The following FAM107B variants were observed in gnomAD, a reference collection of about 807,000 sequenced individuals.
FAM107B encodes the protein family with sequence similarity 107 member B.
FAM107B carries 21 observed loss-of-function variants against 31.5 expected under a neutral mutation model. The ratio of observed to expected loss-of-function variants is 0.67; its 90% CI spans 0.47 to 0.96. The LOEUF (loss-of-function observed/expected upper bound fraction) is 0.96. FAM107B is among the 40% of genes least tolerant of loss of function. FAM107B has a pLI of 0.00. For synonymous variants in FAM107B, 157 were observed against 141.5 expected, an observed-to-expected ratio of 1.11 and a Z score of -0.78; for missense variants, 452 against 377.1, an observed-to-expected ratio of 1.20 and a Z score of -1.64.
chr10:14,560,276 T>C (rs968641419), intron 2 of FAM107B, among the ~76,000 whole-genome samples: 2 of 152,204 alleles, frequency 1.3e-5, no homozygotes, highest in Non-Finnish European at 2.9e-5. Context: ...ATATAAAAGA[T>C]GTACAAGAAC....
chr10:14,639,312 A>C (rs1449103651), intron 2 of FAM107B, among the ~76,000 whole-genome samples: 1 of 152,180 alleles, frequency 6.6e-6, no homozygotes, highest in Non-Finnish European at 1.5e-5. Context: ...TCTGAGCTCA[A>C]ACAAGACCAG....
intron 2 of FAM107B, among the ~76,000 whole-genome samples, chr10:14,588,061 A>G (rs1194983086): frequency 2.6e-5 from 4 of 152,192 alleles, no homozygotes; most frequent in South Asian, 2.1e-4. Flanking sequence ...TTTAAAATCC[A>G]TATTAATCGA....
chr10:14,602,470 C>T (rs930095096), intron 2 of FAM107B: 7 of 152,130 alleles, frequency 4.6e-5, no homozygotes, highest in African/African-American at 1.2e-4. Context: ...GGCTAAAGAA[C>T]GATTTTATTT....
At chr10:14,726,985 C>T (rs1856049635) in intron 1 of FAM107B, among the ~76,000 whole-genome samples, 1 of 151,842 alleles carries the variant, frequency 6.6e-6, no homozygotes, top group Non-Finnish European at 1.5e-5. Flanking sequence ...ACTAGATGGT[C>T]CCATTTGGGG....
chr10:14,546,358 T>G (rs1848691957), intron 2 of FAM107B, among the ~76,000 whole-genome samples: 1 of 152,246 alleles, frequency 6.6e-6, no homozygotes, highest in African/African-American at 2.4e-5. Context: ...CCACATTTTC[T>G]ACTGATCTGT....
At chr10:14,632,249 G>A (rs1002356516) in intron 2 of FAM107B, among the ~76,000 whole-genome samples, 1 of 144,732 alleles carries the variant, frequency 6.9e-6, no homozygotes, top group African/African-American at 2.6e-5. Flanking sequence ...AGTGAGTGGA[G>A]ATCGCGTCAC....
intron 1 of FAM107B, among the ~76,000 whole-genome samples, chr10:14,739,237 G>A (rs2601750): frequency 1.3e-5 from 2 of 152,020 alleles, no homozygotes; most frequent in East Asian, 3.9e-4. Context: ...AGCCTCCATC[G>A]CTCCATGACG....
At chr10:14,684,505 C>T (rs369195533) in intron 1 of FAM107B, among the ~76,000 whole-genome samples, 1 of 152,070 alleles carries the variant, frequency 6.6e-6, no homozygotes, top group Non-Finnish European at 1.5e-5. Context: ...ATTCATGAAG[C>T]GTCCAGCCTC....
chr10:14,631,194 C>A (rs1192344861), intron 2 of FAM107B, among the ~76,000 whole-genome samples: 1 of 151,994 alleles, frequency 6.6e-6, no homozygotes, highest in Non-Finnish European at 1.5e-5. Flanking sequence ...AGTGCATATC[C>A]CCTGGCTGGG....
At chr10:14,678,403 T>C (rs1450434809) in intron 1 of FAM107B, among the ~76,000 whole-genome samples, 1 of 152,168 alleles carries the variant, frequency 6.6e-6, no homozygotes, top group East Asian at 1.9e-4. Context: ...TCAGCAAAAC[T>C]GACTCAAGGA....
At chr10:14,627,383 C>T (rs974586443) in intron 2 of FAM107B, among the ~76,000 whole-genome samples, 22 of 152,120 alleles carry the variant, frequency 1.4e-4, no homozygotes, top group East Asian at 9.6e-4. Flanking sequence ...AGGAGATCAG[C>T]GGAATCTAAA....
At chr10:14,702,429 C>T (rs1260771044) in intron 1 of FAM107B, among the ~76,000 whole-genome samples, 1 of 152,216 alleles carries the variant, frequency 6.6e-6, no homozygotes, top group Non-Finnish European at 1.5e-5. Context: ...TCTTGGCTCA[C>T]TCCACCTCCT....
At chr10:14,595,422 C>CTT (rs35540585) in intron 2 of FAM107B, among the ~76,000 whole-genome samples, 36,895 of 98,094 alleles carry the variant, frequency 0.38, 8,511 homozygotes, top group Admixed American at 0.46. Context: ...CTAGGGCAAC[C>CTT]TTTTTTTTTT....
chr10:14,581,620 G>A (rs1347680314), intron 2 of FAM107B, among the ~76,000 whole-genome samples: 1 of 152,230 alleles, frequency 6.6e-6, no homozygotes, highest in East Asian at 1.9e-4. Context: ...TCAATGCCCA[G>A]CCAGGCGCGG....
At chr10:14,720,161 A>G (rs775214693) in intron 1 of FAM107B, among the ~76,000 whole-genome samples, 2 of 152,224 alleles carry the variant, frequency 1.3e-5, no homozygotes, top group Non-Finnish European at 1.5e-5. Context: ...CACCCATTTC[A>G]TAGTTATCAA....
At chr10:14,595,337 T>C (rs1481115278) in intron 2 of FAM107B, among the ~76,000 whole-genome samples, 2 of 150,914 alleles carry the variant, frequency 1.3e-5, no homozygotes, top group African/African-American at 4.9e-5. Context: ...ATGTACAGAG[T>C]CCAGCAAAAA....
intron 1 of FAM107B, among the ~76,000 whole-genome samples, chr10:14,756,547 G>A (rs1043054262): frequency 2.0e-5 from 3 of 152,220 alleles, no homozygotes; most frequent in Non-Finnish European, 4.4e-5. Flanking sequence ...AAAAGGGAAT[G>A]CTTATCCACT....
At position 14,699,614 on chromosome 10, in the gene FAM107B, C is replaced by A. The variant is rs116391776; in HGVS notation, c.412-31923G>T. 6.9e-3 allele frequency among the ~76,000 whole-genome samples: 1,053 copies of A among 152,342 alleles called. 11 individuals are homozygous for A. Among genetic ancestry groups the A allele is most frequent in the African/African-American group, 0.023 (950 of 41,578 alleles). Reference sequence around the variant, plus strand: ...ACATCAGCAAGGGATAGCTACTTTACTCAGTCCACCAACTCAAATGCCAAT... The same window carrying A: ...ACATCAGCAAGGGATAGCTACTTTAATCAGTCCACCAACTCAAATGCCAAT... On this transcript the variant is annotated intron_variant, in intron 1 of 4. Coordinates refer to ENST00000181796, the MANE Select transcript of FAM107B (RefSeq NM_031453.4).
At chr10:14,685,444 A>G (rs1854961077) in intron 1 of FAM107B, among the ~76,000 whole-genome samples, 1 of 152,046 alleles carries the variant, frequency 6.6e-6, no homozygotes, top group Admixed American at 6.6e-5. Flanking sequence ...GAGCCACTGC[A>G]CCTGGTCTTG....
Sources: gnomAD v4.1 joint callset for allele counts (sites outside exome capture counted in the v4.1 genomes callset) on GRCh38, gnomAD v4.1.1 for gene constraint, MANE v1.5 for transcripts, NCBI Gene and HGNC (gene_info 2026-07-23, HGNC 2026-07-21) for gene names.